LRRC3B: variants seen among roughly 807,000 people sequenced by gnomAD.
LRRC3B encodes the protein leucine-rich repeat-containing protein 3B.
Under a neutral mutation model 12.8 loss-of-function variants are expected in LRRC3B, and 2 were observed. The observed-to-expected ratio is 0.16, with a 90% CI of 0.06 to 0.49. The LOEUF is 0.49. Among genes scored for constraint, LRRC3B ranks in the 20% least tolerant of loss-of-function variants. The pLI is 0.96. For synonymous variants in LRRC3B, 132 were observed against 122.0 expected, an observed-to-expected ratio of 1.08 and a Z score of -0.54; for missense variants, 189 against 319.4, an observed-to-expected ratio of 0.59 and a Z score of 3.11.
chr3:26,698,737 T>C (rs1044523190), intron 1 of LRRC3B, among the ~76,000 whole-genome samples: 1 of 152,174 alleles, frequency 6.6e-6, no homozygotes, highest in Non-Finnish European at 1.5e-5. Context: ...ATTTCGTTTT[T>C]GCTGAATAAT....
intron 1 of LRRC3B, among the ~76,000 whole-genome samples, chr3:26,686,215 G>A (rs994004978): frequency 6.6e-6 from 1 of 152,058 alleles, no homozygotes; most frequent in Non-Finnish European, 1.5e-5. Context: ...AAGTAGCTGG[G>A]ACTACAGGTG....
rs1340961813 is a variant in LRRC3B, at chr3:26,671,413, G to GACAGAGAGAGAGACAC, written c.-160-38098_-160-38097insAGAGAGAGAGACACAC. On this transcript the variant is annotated intron_variant, in intron 1 of 1. Coordinates refer to ENST00000396641, the Ensembl canonical transcript of LRRC3B. ...AGAGAGAGAGAGAGAGAGAGAGAGAGACGAAGTCTTGCTCTGTCGCCAGGC... is the reference window on the plus strand; with the variant it reads ...AGAGAGAGAGAGAGAGAGAGAGAGAGACAGAGAGAGAGACACACGAAGTCTTGCTCTGTCGCCAGGC... Among the ~76,000 whole-genome samples, 25 of 99,384 alleles carry GACAGAGAGAGAGACAC rather than the reference G, an allele frequency of 2.5e-4. 1 individual carries two copies. Among genetic ancestry groups the GACAGAGAGAGAGACAC allele is most frequent in the Non-Finnish European group, 4.3e-4 (22 of 51,306 alleles). 65.2% of individuals were successfully genotyped at this position (99,384 alleles called of 152,430 possible).
chr3:26,677,594 T>C (rs925307939), intron 1 of LRRC3B, among the ~76,000 whole-genome samples: 8 of 152,260 alleles, frequency 5.3e-5, no homozygotes, highest in African/African-American at 1.4e-4. Flanking sequence ...ATCCCTGTGC[T>C]AATGGCATAG....
exon 1 of LRRC3B, chr3:26,623,085 C>CCCGGT (rs1698547856): frequency 6.6e-6 from 1 of 152,168 alleles, no homozygotes; most frequent in African/African-American, 2.4e-5. Flanking sequence ...GCCGGGCCGG[C>CCCGGT]CCGGTCCCAG....
intron 1 of LRRC3B, among the ~76,000 whole-genome samples, chr3:26,697,296 C>T (rs999556875): frequency 1.3e-5 from 2 of 152,106 alleles, no homozygotes; most frequent in African/African-American, 4.8e-5. Context: ...AAGGACAATC[C>T]ATTGCTTGCA....
At chr3:26,686,676 G>A (rs1700095214) in intron 1 of LRRC3B, among the ~76,000 whole-genome samples, 1 of 152,214 alleles carries the variant, frequency 6.6e-6, no homozygotes, top group Admixed American at 6.5e-5. Context: ...ACTGTTGCAT[G>A]TTGAGATTCT....
At chr3:26,644,199 A>G (rs1699094606) in intron 1 of LRRC3B, among the ~76,000 whole-genome samples, 1 of 152,260 alleles carries the variant, frequency 6.6e-6, no homozygotes, top group Admixed American at 6.5e-5. Flanking sequence ...TAGAGCTTAG[A>G]TATAGCAGAA....
At chr3:26,653,143 TAAAGATGAGGA>T (rs1048029496) in intron 1 of LRRC3B, among the ~76,000 whole-genome samples, 41 of 149,154 alleles carry the variant, frequency 2.7e-4, no homozygotes, top group Non-Finnish European at 5.5e-4. Context: ...GGTAAGGTGC[TAAAGATGAGGA>T]AACAAAAATG....
At chr3:26,642,745 G>A (rs1201120619) in intron 1 of LRRC3B, among the ~76,000 whole-genome samples, 10 of 152,126 alleles carry the variant, frequency 6.6e-5, no homozygotes, top group Non-Finnish European at 1.0e-4. Context: ...TTGCCCGGGC[G>A]TGGTGCCTCG....
intron 1 of LRRC3B, among the ~76,000 whole-genome samples, chr3:26,633,677 A>G (rs1231951589): frequency 6.6e-6 from 1 of 152,192 alleles, no homozygotes; most frequent in East Asian, 1.9e-4. Flanking sequence ...TAAGACAGAT[A>G]GGAATATCCC....
At chr3:26,710,151 T>C in exon 2 of LRRC3B, 1 of 1,613,986 alleles carries the variant, frequency 6.2e-7, no homozygotes, top group Non-Finnish European at 8.5e-7. Flanking sequence ...CTGAGGAGCA[T>C]GGCGTCCAAT....
At chr3:26,709,086 C>A (rs757814817) in intron 1 of LRRC3B, among the ~76,000 whole-genome samples, 2 of 152,186 alleles carry the variant, frequency 1.3e-5, no homozygotes, top group Non-Finnish European at 2.9e-5. Context: ...TGTCTATAGT[C>A]ATTAACCATG....
chr3:26,677,700 GAAA>G, intron 1 of LRRC3B, among the ~76,000 whole-genome samples: 1 of 152,248 alleles, frequency 6.6e-6, no homozygotes, highest in Middle Eastern at 3.4e-3. Flanking sequence ...TTCAACCAAA[GAAA>G]CACATGTATA....
intron 1 of LRRC3B, among the ~76,000 whole-genome samples, chr3:26,671,350 G>GTATATATA (rs1161960755): frequency 1.6e-3 from 88 of 56,722 alleles, no homozygotes; most frequent in East Asian, 5.0e-3. Flanking sequence ...ATATATGTGT[G>GTATATATA]TATATATATA....
chr3:26,634,886 T>C (rs1352186905), intron 1 of LRRC3B, among the ~76,000 whole-genome samples: 1 of 152,212 alleles, frequency 6.6e-6, no homozygotes. Flanking sequence ...CTCTCTGTAA[T>C]TGCAGCTTTG....
chr3:26,706,903 C>T (rs185244259), intron 1 of LRRC3B, among the ~76,000 whole-genome samples: 21 of 152,214 alleles, frequency 1.4e-4, no homozygotes, highest in Admixed American at 9.2e-4. Context: ...GAAGGAAAAG[C>T]GTACCTAGAC....
At chr3:26,638,405 T>C (rs982915611) in intron 1 of LRRC3B, among the ~76,000 whole-genome samples, 1 of 151,940 alleles carries the variant, frequency 6.6e-6, no homozygotes, top group African/African-American at 2.4e-5. Context: ...CAATTAAGGG[T>C]CAACGGAAAA....
intron 1 of LRRC3B, among the ~76,000 whole-genome samples, chr3:26,680,600 G>A (rs535018864): frequency 3.1e-4 from 47 of 152,232 alleles, no homozygotes; most frequent in African/African-American, 8.7e-4. Flanking sequence ...ATGTCACAGC[G>A]TGCAATTCCT....
chr3:26,686,642 G>C (rs887599113), intron 1 of LRRC3B, among the ~76,000 whole-genome samples: 1 of 152,200 alleles, frequency 6.6e-6, no homozygotes, highest in African/African-American at 2.4e-5. Flanking sequence ...AAAAGCCAGA[G>C]TGTGCAAAGA....
Sources: allele counts gnomAD v4.1 joint callset (sites outside exome capture counted in the v4.1 genomes callset), GRCh38; gene constraint gnomAD v4.1.1; transcripts MANE v1.5; gene names NCBI Gene and HGNC (gene_info 2026-07-23, HGNC 2026-07-21).